The following OPHN1 variants were observed in gnomAD, a reference collection of about 807,000 sequenced individuals.
OPHN1 encodes the protein oligophrenin 1.
A neutral mutation model predicts 60.7 loss-of-function variants in OPHN1; 11 were observed. The observed-to-expected ratio is 0.18, with a 90% CI of 0.11 to 0.30. The LOEUF (loss-of-function observed/expected upper bound fraction) is 0.30, where lower values mean the gene tolerates loss of function less well. OPHN1 is among the 10% of genes least tolerant of loss of function. The probability of loss-of-function intolerance (pLI) is 1.00; values close to 1 mark genes in which losing one functional copy is unlikely to be tolerated. For synonymous variants in OPHN1, 226 were observed against 222.6 expected (o/e 1.02, Z -0.14); for missense variants, 449 against 611.0 (o/e 0.73, Z 2.80).
chrX:68,221,629 C>T (rs532383513), intron 6 of OPHN1, among the ~76,000 whole-genome samples: 6 of 81,700 alleles, frequency 7.3e-5, no homozygotes, highest in African/African-American at 1.6e-4. Context: ...ATGCCGCATA[C>T]CTACAACTAT....
chrX:68,061,034 G>A (rs2076890981), intron 21 of OPHN1, among the ~76,000 whole-genome samples: 1 of 111,676 alleles, frequency 9.0e-6, no homozygotes, highest in Non-Finnish European at 1.9e-5. Context: ...GTTCAAAGAG[G>A]CAACTATACC....
intron 2 of OPHN1, among the ~76,000 whole-genome samples, chrX:68,403,626 C>G (rs2078726031): frequency 9.1e-6 from 1 of 110,228 alleles, no homozygotes. Flanking sequence ...GCAATTGTGC[C>G]TTTCGACTTT....
chrX:68,293,381 A>G (rs17265313), intron 3 of OPHN1, among the ~76,000 whole-genome samples: 38,763 of 111,347 alleles, frequency 0.35, 8,829 homozygotes, highest in African/African-American at 0.85. Context: ...TGACAATGTT[A>G]AACCCTCATG....
chrX:68,353,173 G>A (rs2078421819), intron 2 of OPHN1, among the ~76,000 whole-genome samples: 1 of 109,108 alleles, frequency 9.2e-6, no homozygotes, highest in East Asian at 2.9e-4. Flanking sequence ...AAAAAAGAAG[G>A]TGCATTAAGA....
chrX:68,070,993 TC>T (rs1035352107), intron 20 of OPHN1: 4 of 1,151,234 alleles, frequency 3.5e-6, no homozygotes, highest in Middle Eastern at 6.7e-4. Context: ...CTTGGCTCCC[TC>T]TTCATCAAAC....
At chrX:68,426,771 T>A (rs1260120911) in intron 2 of OPHN1, among the ~76,000 whole-genome samples, 2 of 95,216 alleles carry the variant, frequency 2.1e-5, no homozygotes, top group Non-Finnish European at 2.1e-5. Flanking sequence ...CTCAGGAGGC[T>A]GAGTCCGGAA....
intron 3 of OPHN1, among the ~76,000 whole-genome samples, chrX:68,286,535 A>G (rs2078042066): frequency 9.0e-6 from 1 of 111,251 alleles, no homozygotes; most frequent in Non-Finnish European, 1.9e-5. Flanking sequence ...GTATGTACAA[A>G]GCCCCTCTCA....
At chrX:68,049,562 T>C (rs533453541) in intron 23 of OPHN1, among the ~76,000 whole-genome samples, 1 of 112,024 alleles carries the variant, frequency 8.9e-6, no homozygotes, top group South Asian at 3.8e-4. Context: ...ATTAGTCTCC[T>C]TAACTGGTCT....
At chrX:68,052,622 T>C (rs753509168) in intron 22 of OPHN1, 32 bp from the exon 23 acceptor site, 1 of 1,187,903 alleles carries the variant, frequency 8.4e-7, no homozygotes. Flanking sequence ...GTCCCATAAG[T>C]TGCTTTGGTA....
At chrX:68,386,897 A>T (rs781024210) in intron 2 of OPHN1, among the ~76,000 whole-genome samples, 1 of 111,875 alleles carries the variant, frequency 8.9e-6, no homozygotes, top group South Asian at 3.7e-4. Context: ...TTATAAACCA[A>T]AGAAGGAAGG....
chrX:68,288,537 T>C (rs1263860991), intron 3 of OPHN1, among the ~76,000 whole-genome samples: 1 of 111,369 alleles, frequency 9.0e-6, no homozygotes, highest in African/African-American at 3.3e-5. Context: ...CCAAGGAGGA[T>C]GGATCACCTG....
rs781150670 is a variant in OPHN1 at position 68,256,187 on chromosome X, G to A, written c.384+18551C>T. Among the ~76,000 whole-genome samples the A allele has an allele frequency of 3.3e-3, 364 of 111,204 alleles. 2 individuals carry two copies. Among genetic ancestry groups the A allele is most frequent in the African/African-American group, 0.011 (351 of 30,630 alleles). On this transcript the variant is annotated intron_variant, in intron 5 of 24. Coordinates refer to ENST00000355520, the MANE Select transcript of OPHN1 (RefSeq NM_002547.3). ...GAGCAAGGGGAAGGCTGGTCTCACC[G>A]CCCTAATCTTATTCCACAAATGAAT...
chrX:68,430,717 G>A (rs2078881837), intron 2 of OPHN1, among the ~76,000 whole-genome samples: 1 of 110,629 alleles, frequency 9.0e-6, no homozygotes, highest in Admixed American at 9.7e-5. Flanking sequence ...CTAGGTACTG[G>A]GGAGGATGAG....
intron 2 of OPHN1, among the ~76,000 whole-genome samples, chrX:68,333,707 A>G (rs922574506): frequency 9.0e-6 from 1 of 110,579 alleles, no homozygotes; most frequent in Non-Finnish European, 1.9e-5. Context: ...ACACACACAC[A>G]CACGCACCTC....
At chrX:68,131,932 C>T (rs939173051) in intron 15 of OPHN1, among the ~76,000 whole-genome samples, 8 of 112,044 alleles carry the variant, frequency 7.1e-5, no homozygotes, top group East Asian at 5.6e-4. Context: ...AAGTCCATTC[C>T]GCATGGAAAA....
chrX:68,258,373 A>G (rs1485275204), intron 5 of OPHN1, among the ~76,000 whole-genome samples: 2 of 92,355 alleles, frequency 2.2e-5, no homozygotes, highest in Non-Finnish European at 4.1e-5. Flanking sequence ...AACATTAGGT[A>G]TATCTCCTAA....
intron 15 of OPHN1, among the ~76,000 whole-genome samples, chrX:68,180,065 T>C (rs1190060016): frequency 9.0e-6 from 1 of 111,730 alleles, no homozygotes; most frequent in East Asian, 2.8e-4. Flanking sequence ...TCCTTGGATA[T>C]AAATTTCCTT....
chrX:68,296,699 G>A (rs912281118), intron 3 of OPHN1, among the ~76,000 whole-genome samples: 14 of 107,933 alleles, frequency 1.3e-4, no homozygotes, highest in African/African-American at 4.4e-4. Context: ...GGTAGCTGAT[G>A]CCTGTAATCA....
chrX:68,080,352 A>G (rs1047952757), intron 19 of OPHN1, among the ~76,000 whole-genome samples: 1 of 112,051 alleles, frequency 8.9e-6, no homozygotes, highest in Non-Finnish European at 1.9e-5. Context: ...TCCTGTATGT[A>G]TCCAGAGTGA....
Sources: gnomAD v4.1 joint callset for allele counts (sites outside exome capture counted in the v4.1 genomes callset) on GRCh38, gnomAD v4.1.1 for gene constraint, MANE v1.5 for transcripts, NCBI Gene and HGNC (gene_info 2026-07-23, HGNC 2026-07-21) for gene names.